Variants in ADAMTS3 observed in about 807,000 individuals in gnomAD.
ADAMTS3 encodes ADAM metallopeptidase with thrombospondin type 1 motif 3.
A neutral mutation model predicts 129.0 loss-of-function variants in ADAMTS3; 73 were observed. The ratio of observed to expected loss-of-function variants is 0.57; its 90% confidence interval spans 0.47 to 0.69. ADAMTS3 has a LOEUF of 0.69. ADAMTS3 is among the 30% of genes least tolerant of loss of function. ADAMTS3 has a pLI of 0.00. For synonymous variants in ADAMTS3, 477 were observed against 510.8 expected (o/e 0.93, Z 0.89); for missense variants, 1,457 against 1,514.5 (o/e 0.96, Z 0.63).
At chr4:72,316,476 A>G (rs924876338) in intron 10 of ADAMTS3, among the ~76,000 whole-genome samples, 1 of 152,088 alleles carries the variant, frequency 6.6e-6, no homozygotes, top group African/African-American at 2.4e-5. Flanking sequence ...ACCTGAGGTC[A>G]GGAGTTCAAG....
At chr4:72,413,208 T>C (rs899723742) in intron 4 of ADAMTS3, among the ~76,000 whole-genome samples, 15 of 151,988 alleles carry the variant, frequency 9.9e-5, no homozygotes, top group Admixed American at 6.6e-5. Context: ...ACTACAGTTA[T>C]GACAGATGGA....
intron 3 of ADAMTS3, among the ~76,000 whole-genome samples, chr4:72,527,806 G>A (rs1720853720): frequency 6.6e-6 from 1 of 152,146 alleles, no homozygotes; most frequent in South Asian, 2.1e-4. Context: ...GTACCAAGAG[G>A]AAGGAAGGAC....
intron 3 of ADAMTS3, among the ~76,000 whole-genome samples, chr4:72,468,286 T>G (rs1421374312): frequency 6.6e-6 from 1 of 152,060 alleles, no homozygotes; most frequent in African/African-American, 2.4e-5. Flanking sequence ...ATGATGCCAA[T>G]GGAATTTCAA....
In ADAMTS3 at chr4:72,315,713, T is replaced by G. The variant is rs1056020949; in HGVS notation, c.1599+145A>C. On this transcript the variant is annotated intron_variant, in intron 11 of 21. Transcript: ENST00000286657. ...TAGCCACAGGGAACTAGTACACTAT[T>G]TTAGTACATTACTTTAATAAAGCCT... 8.9e-6 allele frequency: 5 copies of G among 561,376 alleles called. No homozygotes were observed. In the Middle Eastern group the frequency reaches 1.1e-3, roughly 122 times the overall value. 34.8% of individuals were successfully genotyped at this position (561,376 alleles called of 1,614,324 possible). A position where few individuals can be genotyped will look rare whatever the true frequency, so the allele number is the denominator to read the frequency against.
chr4:72,285,463 T>C (rs1283883062), intron 21 of ADAMTS3, among the ~76,000 whole-genome samples: 2 of 152,146 alleles, frequency 1.3e-5, no homozygotes, highest in South Asian at 2.1e-4. Flanking sequence ...GGAGAGGACA[T>C]TATTCGATCT....
intron 4 of ADAMTS3, among the ~76,000 whole-genome samples, chr4:72,406,178 G>T (rs1231153781): frequency 6.6e-6 from 1 of 152,078 alleles, no homozygotes; most frequent in East Asian, 1.9e-4. Flanking sequence ...ATAACTCAGG[G>T]TGGTTTGCTG....
intron 17 of ADAMTS3, among the ~76,000 whole-genome samples, chr4:72,299,796 T>C (rs1359785311): frequency 6.6e-6 from 1 of 152,166 alleles, no homozygotes; most frequent in Non-Finnish European, 1.5e-5. Context: ...TCCTGGTTTT[T>C]ATTGGAACTG....
At chr4:72,372,533 A>C (rs1721035077) in intron 4 of ADAMTS3, among the ~76,000 whole-genome samples, 1 of 152,074 alleles carries the variant, frequency 6.6e-6, no homozygotes, top group African/African-American at 2.4e-5. Flanking sequence ...AACTGTACTA[A>C]ATATATTAAG....
rs550475034 is a variant in ADAMTS3, at chr4:72,357,860, C to G, written c.662-18167G>C. Reference sequence around the variant, plus strand: ...AAAAAGATTTAAATATAAATCTATTCTATCATATGCCAATGGCTTTGTTTG... The same window carrying G: ...AAAAAGATTTAAATATAAATCTATTGTATCATATGCCAATGGCTTTGTTTG... On this transcript the variant is annotated intron_variant, in intron 4 of 21. Coordinates refer to ENST00000286657, the MANE Select transcript of ADAMTS3 (RefSeq NM_014243.3). 2.6e-5 allele frequency among the ~76,000 whole-genome samples: 4 copies of G among 152,032 alleles called. No individual in the cohort carries two copies. In the South Asian group the frequency reaches 6.2e-4, roughly 24 times the overall value.
chr4:72,379,648 T>C (rs1289894289), intron 4 of ADAMTS3, among the ~76,000 whole-genome samples: 2 of 152,146 alleles, frequency 1.3e-5, no homozygotes, highest in African/African-American at 4.8e-5. Flanking sequence ...ATTCCAATTA[T>C]TTATTCTGTA....
intron 3 of ADAMTS3, among the ~76,000 whole-genome samples, chr4:72,526,715 A>G (rs1400279907): frequency 1.4e-5 from 2 of 138,672 alleles, no homozygotes; most frequent in Non-Finnish European, 3.1e-5. Context: ...ATATAGAGAC[A>G]GAAAAAATAT....
At chr4:72,386,063 A>T (rs1578634670) in intron 4 of ADAMTS3, among the ~76,000 whole-genome samples, 1 of 152,218 alleles carries the variant, frequency 6.6e-6, no homozygotes, top group East Asian at 1.9e-4. Context: ...GCCATCATCT[A>T]TATGGGTATA....
intron 4 of ADAMTS3, among the ~76,000 whole-genome samples, chr4:72,410,494 T>C (rs1578656294): frequency 6.6e-6 from 1 of 152,140 alleles, no homozygotes; most frequent in Non-Finnish European, 1.5e-5. Flanking sequence ...ACAAAGCTTC[T>C]GGTGAATGAA....
At chr4:72,428,890 A>T (rs1264652666) in intron 3 of ADAMTS3, among the ~76,000 whole-genome samples, 3 of 152,060 alleles carry the variant, frequency 2.0e-5, no homozygotes, top group Admixed American at 6.6e-5. Flanking sequence ...AAACCCACTT[A>T]TTCCCATAAT....
chr4:72,335,247 T>A (rs899571738), intron 5 of ADAMTS3, among the ~76,000 whole-genome samples: 1 of 152,156 alleles, frequency 6.6e-6, no homozygotes, highest in Non-Finnish European at 1.5e-5. Flanking sequence ...GAATCTCTGA[T>A]AAGTACTTTA....
Position 72,371,286 on chromosome 4 carries a change from A to T in ADAMTS3, c.662-31593T>A, listed in dbSNP as rs555310375. On this transcript the variant is annotated intron_variant, in intron 4 of 21. Coordinates refer to ENST00000286657, the MANE Select transcript of ADAMTS3 (RefSeq NM_014243.3). Reference sequence around the variant, plus strand: ...ACCAACACAATTACATTAAATGATAACTGATTATATATTTGAATTAAAAAA... The same window carrying T: ...ACCAACACAATTACATTAAATGATATCTGATTATATATTTGAATTAAAAAA... Among the ~76,000 whole-genome samples, 16 of 152,242 alleles carry T rather than the reference A, an allele frequency of 1.1e-4. 1 individual carries two copies. In the South Asian group the frequency reaches 3.3e-3, roughly 32 times the overall value.
intron 4 of ADAMTS3, among the ~76,000 whole-genome samples, chr4:72,413,897 T>C (rs747687367): frequency 2.7e-5 from 4 of 149,816 alleles, no homozygotes; most frequent in Non-Finnish European, 4.5e-5. Context: ...ATGTTAACTT[T>C]AAAGTTATCT....
intron 3 of ADAMTS3, among the ~76,000 whole-genome samples, chr4:72,516,136 C>G (rs1450908087): frequency 6.6e-6 from 1 of 152,092 alleles, no homozygotes; most frequent in Non-Finnish European, 1.5e-5. Flanking sequence ...TGTCTAAGAT[C>G]AGATAGTTGT....
intron 21 of ADAMTS3, 29 bp from the exon 22 acceptor site, chr4:72,283,733 C>T (rs1718422757): frequency 1.3e-6 from 2 of 1,501,966 alleles, no homozygotes; most frequent in African/African-American, 1.4e-5. Flanking sequence ...AATAAACTAA[C>T]ACTAGCATCT....
Sources: gnomAD v4.1 joint callset for allele counts (sites outside exome capture counted in the v4.1 genomes callset) on GRCh38, gnomAD v4.1.1 for gene constraint, MANE v1.5 for transcripts, NCBI Gene and HGNC (gene_info 2026-07-23, HGNC 2026-07-21) for gene names.